The following KCNQ1 variants were observed in gnomAD, a reference collection of about 807,000 sequenced individuals.
KCNQ1 encodes potassium voltage-gated channel subfamily KQT member 1.
A neutral mutation model predicts 72.4 loss-of-function variants in KCNQ1; 49 were observed. That is an observed-to-expected ratio of 0.68 (90% CI 0.54 to 0.86). The LOEUF (loss-of-function observed/expected upper bound fraction) is 0.86, where lower values mean the gene tolerates loss of function less well. KCNQ1 is among the 40% of genes least tolerant of loss of function. KCNQ1 has a pLI of 0.00. For synonymous variants in KCNQ1, 450 were observed against 412.6 expected, an observed-to-expected ratio of 1.09 and a Z score of -1.10; for missense variants, 790 against 945.1, an observed-to-expected ratio of 0.84 and a Z score of 2.15.
At chr11:2,650,888 C>T (rs1849746561) in intron 10 of KCNQ1, 2 of 398,520 alleles carry the variant, frequency 5.0e-6, no homozygotes, top group South Asian at 1.3e-4. Context: ...GGATGAGGAG[C>T]AGCATGCTAT....
chr11:2,627,217 T>A lies in KCNQ1; in HGVS notation c.1394-34744T>A. On this transcript the variant is annotated intron_variant, in intron 10 of 15. Coordinates refer to ENST00000155840, the MANE Select transcript of KCNQ1 (RefSeq NM_000218.3). This position sits in a 1 kb window ranked among gnomAD's most constrained non-coding sequence, Gnocchi z 4.9. ...TGAGGTATAATTGACAAATTAAAAG[T>A]GCATATATTTAAGAACATATTTGAC... is the stretch of plus-strand genomic sequence containing the variant. 2.5e-6 allele frequency: 1 copy of A among 398,562 alleles called. No individual in the cohort carries two copies. Among genetic ancestry groups the A allele is most frequent in the East Asian group, 3.6e-5 (1 of 28,052 alleles). The allele number at this position is 398,562 out of a possible 1,614,324, so 24.7% of individuals were successfully genotyped here.
At position 2,471,326 on chromosome 11, in the gene KCNQ1, G is replaced by A. The variant is rs544841028; in HGVS notation, c.386+25842G>A. 2.6e-5 allele frequency among the ~76,000 whole-genome samples: 4 copies of A among 152,146 alleles called. No individual in the cohort carries two copies. The East Asian group carries it at 5.8e-4, about 22-fold the overall frequency. On this transcript the variant is annotated intron_variant, in intron 1 of 15. Coordinates refer to ENST00000155840, the MANE Select transcript of KCNQ1 (RefSeq NM_000218.3). This position sits in a 1 kb window ranked among gnomAD's most constrained non-coding sequence, Gnocchi z 4.8. Reference sequence around the variant, plus strand: ...ACCCCAAATGCTGCTTGCTTCTCCCGCCCTCCTCCCTCTCCCCATCTGCTC... The same window carrying A: ...ACCCCAAATGCTGCTTGCTTCTCCCACCCTCCTCCCTCTCCCCATCTGCTC...
chr11:2,494,516 G>A lies in KCNQ1; in HGVS notation c.387-33412G>A, dbSNP rs1846880157. On this transcript the variant is annotated intron_variant, in intron 1 of 15. Coordinates refer to ENST00000155840, the MANE Select transcript of KCNQ1 (RefSeq NM_000218.3). The surrounding 1 kb of genome is among the most constrained non-coding windows in gnomAD (Gnocchi z 4.6). ...AATAGCTCTTGTTATTTTGAGATATGTTCCATCAATTCCTAGTTTATTGAG... is the reference window on the plus strand; with the variant it reads ...AATAGCTCTTGTTATTTTGAGATATATTCCATCAATTCCTAGTTTATTGAG... Among the ~76,000 whole-genome samples the A allele has an allele frequency of 6.6e-6, 1 of 152,120 alleles. No homozygotes were observed. Among genetic ancestry groups the A allele is most frequent in the Non-Finnish European group, 1.5e-5 (1 of 68,028 alleles).
At position 2,486,122 on chromosome 11, in the gene KCNQ1, G is replaced by A. The variant is rs573220987; in HGVS notation, c.386+40638G>A. Among the ~76,000 whole-genome samples the A allele has an allele frequency of 2.0e-5, 3 of 152,250 alleles. No individual in the cohort carries two copies. The highest frequency in any genetic ancestry group is 3.9e-4 in the East Asian group (2 of 5,180). ...TAATTTCTTGAGGAACCACTATGCC[G>A]TTTTCCACAGTAGCTACCACATCCT... is the stretch of plus-strand genomic sequence containing the variant. On this transcript the variant is annotated intron_variant, in intron 1 of 15. Transcript: ENST00000155840. This position sits in a 1 kb window ranked among gnomAD's most constrained non-coding sequence, Gnocchi z 5.0.
chr11:2,727,874 G>A (rs1301851015), intron 11 of KCNQ1, among the ~76,000 whole-genome samples: 1 of 152,174 alleles, frequency 6.6e-6, no homozygotes, highest in East Asian at 1.9e-4. Flanking sequence ...TCCTCTGTGG[G>A]CACTGTGGGG....
chr11:2,573,016 A>G, intron 6 of KCNQ1, 30 bp downstream of exon 6: 1 of 1,608,758 alleles, frequency 6.2e-7, no homozygotes, highest in Non-Finnish European at 8.5e-7. Context: ...GCATGGGGAC[A>G]GGGGCAGCTC....
chr11:2,712,828 T>A lies in KCNQ1; in HGVS notation c.1514+50747T>A, dbSNP rs1851027982. ...CTGGGTTGGGAGCACACATGGCATC[T>A]CCTAGAGAGTTTGGGGGCTGGACAC... On this transcript the variant is annotated intron_variant, in intron 11 of 15. Coordinates refer to ENST00000155840, the MANE Select transcript of KCNQ1 (RefSeq NM_000218.3). This position sits in a 1 kb window ranked among gnomAD's most constrained non-coding sequence, Gnocchi z 6.4. Among the ~76,000 whole-genome samples the A allele has an allele frequency of 6.6e-6, 1 of 152,166 alleles. No individual in the cohort carries two copies. Among genetic ancestry groups the A allele is most frequent in the Non-Finnish European group, 1.5e-5 (1 of 68,028 alleles).
At chr11:2,503,021 T>G (rs1341778501) in intron 1 of KCNQ1, among the ~76,000 whole-genome samples, 1 of 151,758 alleles carries the variant, frequency 6.6e-6, no homozygotes, top group Admixed American at 6.6e-5. Context: ...TCTCACCATA[T>G]AAAAAAAACA....
At chr11:2,726,827 C>T (rs1055576877) in intron 11 of KCNQ1, among the ~76,000 whole-genome samples, 3 of 152,134 alleles carry the variant, frequency 2.0e-5, no homozygotes, top group Non-Finnish European at 2.9e-5. Flanking sequence ...TCCCCCGTGC[C>T]CCACTGGCAT....
intron 11 of KCNQ1, among the ~76,000 whole-genome samples, chr11:2,700,178 C>T (rs1214857585): frequency 6.6e-6 from 1 of 152,212 alleles, no homozygotes; most frequent in African/African-American, 2.4e-5. Context: ...TTGATGCCAC[C>T]CGGGCTCAGA....
chr11:2,518,846 C>T (rs990948111), intron 1 of KCNQ1, among the ~76,000 whole-genome samples: 3 of 152,172 alleles, frequency 2.0e-5, no homozygotes, highest in African/African-American at 4.8e-5. Context: ...TATAAGACAG[C>T]GTGAGGCATG....
At position 2,497,117 on chromosome 11, in the gene KCNQ1, CT is replaced by C. The variant is rs1268993741; in HGVS notation, c.387-30809del. 1.3e-5 allele frequency among the ~76,000 whole-genome samples: 2 copies of C among 152,062 alleles called. No individual in the cohort carries two copies. Among genetic ancestry groups the C allele is most frequent in the Non-Finnish European group, 2.9e-5 (2 of 68,018 alleles). On this transcript the variant is annotated intron_variant, in intron 1 of 15. Coordinates refer to ENST00000155840, the MANE Select transcript of KCNQ1 (RefSeq NM_000218.3). This position sits in a 1 kb window ranked among gnomAD's most constrained non-coding sequence, Gnocchi z 4.5. Reference sequence around the variant, plus strand: ...TTAACGTTTTGTCCTTCATTTAAACCTTGGAGAATCTGACAATTATATGTCT... The same window carrying C: ...TTAACGTTTTGTCCTTCATTTAAACCTGGAGAATCTGACAATTATATGTCT...
In KCNQ1 at chr11:2,712,783, A is replaced by G. The variant is rs888297379; in HGVS notation, c.1514+50702A>G. Among the ~76,000 whole-genome samples the G allele has an allele frequency of 6.6e-6, 1 of 152,152 alleles. No homozygotes were observed. The highest frequency in any genetic ancestry group is 2.4e-5 in the African/African-American group (1 of 41,428). ...CCCCTGGCTCCTGCACTTTTTCTGCACGGGACTCCCTCACAGCCTCTGGGT... is the reference window on the plus strand; with the variant it reads ...CCCCTGGCTCCTGCACTTTTTCTGCGCGGGACTCCCTCACAGCCTCTGGGT... On this transcript the variant is annotated intron_variant, in intron 11 of 15. Transcript: ENST00000155840. The surrounding 1 kb of genome is among the most constrained non-coding windows in gnomAD (Gnocchi z 6.4).
In KCNQ1 at chr11:2,772,915, G is replaced by A. The variant is rs1479328484; in HGVS notation, c.1591-3045G>A. Among the ~76,000 whole-genome samples the A allele has an allele frequency of 2.0e-5, 3 of 152,150 alleles. No homozygotes were observed. The highest frequency in any genetic ancestry group is 7.2e-5 in the African/African-American group (3 of 41,430). On this transcript the variant is annotated intron_variant, in intron 12 of 15. Transcript: ENST00000155840. This position sits in a 1 kb window ranked among gnomAD's most constrained non-coding sequence, Gnocchi z 6.6. ...GTGCCCCATGCTTCAGCTTCACAGA[G>A]CTCTGTGGTCTGCAGGAGGCTCACC...
chr11:2,679,888 T>G lies in KCNQ1; in HGVS notation c.1514+17807T>G, dbSNP rs1850360923. 5.1e-6 allele frequency: 2 copies of G among 393,740 alleles called. No homozygotes were observed. Among genetic ancestry groups the G allele is most frequent in the Non-Finnish European group, 4.4e-6 (1 of 225,590 alleles). The allele number at this position is 393,740 out of a possible 1,614,324, so 24.4% of individuals were successfully genotyped here. A position where few individuals can be genotyped will look rare whatever the true frequency, so the allele number is the denominator to read the frequency against. ...TAAACTTAGAACTAGCACGCCTAAT[T>G]TTTTTTTTATTTTTATTTTTTTTGA... On this transcript the variant is annotated intron_variant, in intron 11 of 15. Coordinates refer to ENST00000155840, the MANE Select transcript of KCNQ1 (RefSeq NM_000218.3). This position sits in a 1 kb window ranked among gnomAD's most constrained non-coding sequence, Gnocchi z 4.8.
In KCNQ1 at chr11:2,674,998, C is replaced by T. The variant is rs963200899; in HGVS notation, c.1514+12917C>T. ...CCTCTTACAGTGGCGGGCACTCAGC[C>T]GGCTTCTTCCCGCCTGACTTCTCTG... On this transcript the variant is annotated intron_variant, in intron 11 of 15. Coordinates refer to ENST00000155840, the MANE Select transcript of KCNQ1 (RefSeq NM_000218.3). The surrounding 1 kb of genome is among the most constrained non-coding windows in gnomAD (Gnocchi z 5.9). 4 of 398,472 alleles carry T rather than the reference C, an allele frequency of 1.0e-5. No individual in the cohort carries two copies. The highest frequency in any genetic ancestry group is 4.1e-5 in the African/African-American group (2 of 48,622). 24.7% of individuals were successfully genotyped at this position (398,472 alleles called of 1,614,324 possible). A position where few individuals can be genotyped will look rare whatever the true frequency, so the allele number is the denominator to read the frequency against.
At chr11:2,587,211 T>C (rs75854011) in intron 8 of KCNQ1, among the ~76,000 whole-genome samples, 225 of 152,330 alleles carry the variant, frequency 1.5e-3, no homozygotes, top group African/African-American at 5.2e-3. Context: ...TGGTCTCCTA[T>C]GCACGCTGTG....
intron 10 of KCNQ1, chr11:2,622,619 T>C (rs1849192763): frequency 5.0e-6 from 2 of 398,502 alleles, no homozygotes; most frequent in Admixed American, 4.4e-5. Flanking sequence ...ATACAACATT[T>C]CCTCCCTTAC....
rs547967503 is a variant in KCNQ1, at chr11:2,764,496, A to AT, written c.1515-4338dup. Among the ~76,000 whole-genome samples the AT allele has an allele frequency of 3.7e-4, 55 of 149,956 alleles. No individual in the cohort carries two copies. Among genetic ancestry groups the AT allele is most frequent in the East Asian group, 9.8e-4 (5 of 5,110 alleles). ...TGTTCACGAGAGAGATTAACCTGTG[A>AT]TTTTTTTTTTCTTTCTTGAAATATC... On this transcript the variant is annotated intron_variant, in intron 11 of 15. Coordinates refer to ENST00000155840, the MANE Select transcript of KCNQ1 (RefSeq NM_000218.3). This position sits in a 1 kb window ranked among gnomAD's most constrained non-coding sequence, Gnocchi z 4.8.
Sources: allele counts gnomAD v4.1 joint callset (sites outside exome capture counted in the v4.1 genomes callset), GRCh38; gene constraint gnomAD v4.1.1; non-coding constraint Gnocchi (gnomAD v3.1); transcripts MANE v1.5; gene names NCBI Gene and HGNC (gene_info 2026-07-23, HGNC 2026-07-21).